Variants in GSTCD observed in about 807,000 individuals in gnomAD.
GSTCD encodes the protein glutathione S-transferase C-terminal domain containing, also known as glutathione S-transferase C-terminal domain-containing protein.
In GSTCD, 44 loss-of-function variants were observed where a neutral mutation model predicts 68.3. That is an observed-to-expected ratio of 0.64 (90% confidence interval 0.51 to 0.83). The LOEUF is 0.83. GSTCD is among the 40% of genes least tolerant of loss of function. GSTCD has a pLI of 0.00. For missense variants in GSTCD, 739 were observed against 735.9 expected (o/e 1.00, Z -0.05); for synonymous variants, 273 against 255.2 (o/e 1.07, Z -0.67).
At chr4:105,840,589 T>TACAC (rs1261492542) in intron 10 of GSTCD, among the ~76,000 whole-genome samples, 6 of 152,216 alleles carry the variant, frequency 3.9e-5, no homozygotes, top group Admixed American at 2.6e-4. Flanking sequence ...TGAGATTATG[T>TACAC]ACACACTTAG....
At position 105,804,835 on chromosome 4, in the gene GSTCD, G is replaced by T. The variant is rs987931686; in HGVS notation, c.1241-18119G>T. ...GGCCCCCTGTGTGTGTTGCTCCCCT[G>T]CCATGTGTCCATGTGTTGTCATCGT... On this transcript the variant is annotated intron_variant, in intron 5 of 11. Transcript: ENST00000515279. Among the ~76,000 whole-genome samples the T allele has an allele frequency of 2.0e-5, 3 of 151,850 alleles. No individual in the cohort carries two copies. The East Asian group carries it at 5.8e-4, about 29-fold the overall frequency.
At chr4:105,826,633 C>CCATACTA (rs1002048601) in intron 8 of GSTCD, among the ~76,000 whole-genome samples, 1 of 152,002 alleles carries the variant, frequency 6.6e-6, no homozygotes, top group African/African-American at 2.4e-5. Flanking sequence ...ATTGTTAAGA[C>CCATACTA]CATACTACAT....
chr4:105,797,359 A>G (rs556332231), intron 5 of GSTCD, among the ~76,000 whole-genome samples: 3 of 152,268 alleles, frequency 2.0e-5, no homozygotes, highest in East Asian at 3.9e-4. Context: ...CCATACTACC[A>G]CAATGAAGTG....
chr4:105,758,134 C>T (rs1389238845), intron 5 of GSTCD, among the ~76,000 whole-genome samples: 1 of 152,126 alleles, frequency 6.6e-6, no homozygotes, highest in Non-Finnish European at 1.5e-5. Flanking sequence ...TTAATGGTTC[C>T]ATAATACCTC....
chr4:105,819,071 A>G (rs1440050875), intron 5 of GSTCD, among the ~76,000 whole-genome samples: 1 of 151,794 alleles, frequency 6.6e-6, no homozygotes, highest in African/African-American at 2.4e-5. Context: ...AGCTCTAAGT[A>G]CATTAAATAT....
intron 5 of GSTCD, among the ~76,000 whole-genome samples, chr4:105,808,342 CCT>C (rs1722604780): frequency 6.6e-6 from 1 of 151,962 alleles, no homozygotes; most frequent in African/African-American, 2.4e-5. Context: ...TAGAGTTATC[CCT>C]GTCTCTTTAT....
At chr4:105,806,997 C>T (rs963169548) in intron 5 of GSTCD, among the ~76,000 whole-genome samples, 1 of 152,082 alleles carries the variant, frequency 6.6e-6, no homozygotes, top group Non-Finnish European at 1.5e-5. Context: ...CCTACACCGA[C>T]CACGCCATTT....
chr4:105,764,204 C>A (rs1018344952), intron 5 of GSTCD, among the ~76,000 whole-genome samples: 1 of 151,954 alleles, frequency 6.6e-6, no homozygotes, highest in Non-Finnish European at 1.5e-5. Context: ...AAAAAGTGAA[C>A]AAGTTTTATA....
chr4:105,744,314 G>A (rs1733732837), intron 5 of GSTCD, among the ~76,000 whole-genome samples: 2 of 152,142 alleles, frequency 1.3e-5, no homozygotes, highest in African/African-American at 4.8e-5. Flanking sequence ...AAGCTTTATT[G>A]AATTAATAAG....
chr4:105,757,887 A>G (rs1167044754), intron 5 of GSTCD, among the ~76,000 whole-genome samples: 2 of 152,162 alleles, frequency 1.3e-5, no homozygotes, highest in African/African-American at 4.8e-5. Flanking sequence ...CTCCTTTTTA[A>G]AAAGCAGTAA....
chr4:105,719,408 C>A lies in GSTCD; in HGVS notation c.775C>A (p.Pro259Thr), dbSNP rs772799536. ...QEEPATTNRE[P>T]SHIRKAKASD... ...AGAACCAGCTACTACCAACAGAGAG[C>A]CTTCTCACATCAGAAAAGCAAAAGC... is the stretch of plus-strand genomic sequence containing the variant. The change falls in exon 3 of 12, where the codon CCT becomes ACT. Residue 259 changes from proline (P) to threonine (T), a missense_variant. By Grantham distance (38) the Pro-to-Thr change is conservative (BLOSUM62 -1). Coordinates refer to ENST00000515279, the MANE Select transcript of GSTCD (RefSeq NM_001370181.1). 6.2e-7 allele frequency: 1 copy of A among 1,614,080 alleles called. No homozygotes were observed. Among genetic ancestry groups the A allele is most frequent in the Non-Finnish European group, 8.5e-7 (1 of 1,179,966 alleles).
intron 5 of GSTCD, among the ~76,000 whole-genome samples, chr4:105,790,944 A>G (rs930265050): frequency 2.6e-5 from 4 of 152,066 alleles, no homozygotes; most frequent in Non-Finnish European, 4.4e-5. Context: ...CAGCTAATAT[A>G]TATCTAGCAA....
In GSTCD at chr4:105,755,808, A is replaced by G. The variant is rs148259695; in HGVS notation, c.1240+26309A>G. ...CAAGAAAATGCCTTTTTGCAGATGT[A>G]CAAAATGGAATTAATAAAGAGCTAG... On this transcript the variant is annotated intron_variant, in intron 5 of 11. Coordinates refer to ENST00000515279, the MANE Select transcript of GSTCD (RefSeq NM_001370181.1). Among the ~76,000 whole-genome samples the G allele has an allele frequency of 2.9e-3, 438 of 152,336 alleles. 2 individuals carry two copies. Among genetic ancestry groups the G allele is most frequent in the Admixed American group, 5.9e-3 (90 of 15,310 alleles).
At chr4:105,713,334 A>C (rs1008180279) in intron 1 of GSTCD, among the ~76,000 whole-genome samples, 3 of 152,208 alleles carry the variant, frequency 2.0e-5, no homozygotes, top group African/African-American at 7.2e-5. Context: ...AAAGAATTTA[A>C]TCCAGTGCAG....
rs1476390024 is a variant in GSTCD at position 105,717,980 on chromosome 4, A to G, written c.367A>G (p.Lys123Glu). ...IQKSYEADPL[K>E]KELLELLGFK... ...GAAATCCTATGAAGCAGACCCCTTA[A>G]AGAAGGAACTTTTGGAACTTCTGGG... is the stretch of plus-strand genomic sequence containing the variant. The change falls in exon 2 of 12, where the codon AAG becomes GAG. Residue 123 changes from lysine to glutamate, a missense_variant. Transcript: ENST00000515279. 6.2e-7 allele frequency: 1 copy of G among 1,613,264 alleles called. No homozygotes were observed. The highest frequency in any genetic ancestry group is 2.2e-5 in the East Asian group (1 of 44,870).
chr4:105,726,050 A>G (rs1733019723), intron 3 of GSTCD, among the ~76,000 whole-genome samples: 1 of 138,974 alleles, frequency 7.2e-6, no homozygotes, highest in African/African-American at 2.5e-5. Flanking sequence ...AAGAAATGAA[A>G]CACAGTGCCA....
intron 5 of GSTCD, among the ~76,000 whole-genome samples, chr4:105,774,254 C>A (rs1474995543): frequency 6.6e-6 from 1 of 152,182 alleles, no homozygotes; most frequent in Admixed American, 6.5e-5. Flanking sequence ...TGTCTTTGCA[C>A]ATGAGATGGC....
At chr4:105,754,662 T>A (rs1399942355) in intron 5 of GSTCD, among the ~76,000 whole-genome samples, 1 of 152,122 alleles carries the variant, frequency 6.6e-6, no homozygotes, top group Non-Finnish European at 1.5e-5. Flanking sequence ...ACAAATTATT[T>A]TATATGACAC....
chr4:105,826,503 A>C (rs575195737), intron 8 of GSTCD, among the ~76,000 whole-genome samples: 1 of 152,196 alleles, frequency 6.6e-6, no homozygotes, highest in African/African-American at 2.4e-5. Context: ...AGAAAAATAC[A>C]TAGTAATATA....
Sources: allele counts gnomAD v4.1 joint callset (sites outside exome capture counted in the v4.1 genomes callset), GRCh38; gene constraint gnomAD v4.1.1; transcripts MANE v1.5; gene names NCBI Gene and HGNC (gene_info 2026-07-23, HGNC 2026-07-21).